The following GNAQ variants were observed in gnomAD, a reference collection of about 807,000 sequenced individuals.
GNAQ encodes G protein subunit alpha q.
In GNAQ, 8 loss-of-function variants were observed where a neutral mutation model predicts 43.9. The observed-to-expected ratio is 0.18, with a 90% CI of 0.11 to 0.33. GNAQ has a LOEUF of 0.33. Ranked by LOEUF, GNAQ falls within the 10% of genes least tolerant of loss-of-function variation. The pLI, the probability that GNAQ is intolerant of heterozygous loss-of-function variation, is 1.00. For missense variants in GNAQ, 158 were observed against 450.8 expected, an observed-to-expected ratio of 0.35 and a Z score of 5.88; for synonymous variants, 155 against 170.7, an observed-to-expected ratio of 0.91 and a Z score of 0.71.
At chr9:77,845,519 G>T (rs903356774) in intron 2 of GNAQ, among the ~76,000 whole-genome samples, 1 of 152,080 alleles carries the variant, frequency 6.6e-6, no homozygotes, top group African/African-American at 2.4e-5. Context: ...TTTCTTCTGA[G>T]CAGGGTTATA....
intron 5 of GNAQ, among the ~76,000 whole-genome samples, chr9:77,736,409 A>C (rs1251879798): frequency 6.6e-6 from 1 of 152,182 alleles, no homozygotes; most frequent in African/African-American, 2.4e-5. Context: ...AGAACGTCAA[A>C]CTCAGCTGAA....
intron 1 of GNAQ, among the ~76,000 whole-genome samples, chr9:77,966,548 T>C (rs1050400181): frequency 6.6e-6 from 1 of 152,174 alleles, no homozygotes; most frequent in African/African-American, 2.4e-5. Flanking sequence ...GACCTGGCTT[T>C]CTACAGCAAT....
chr9:77,962,148 A>T (rs1243446666), intron 1 of GNAQ, among the ~76,000 whole-genome samples: 1 of 152,180 alleles, frequency 6.6e-6, no homozygotes, highest in Non-Finnish European at 1.5e-5. Context: ...GGAAAAAAAG[A>T]CAGAAAAAAA....
chr9:77,857,607 G>A (rs561526145), intron 2 of GNAQ, among the ~76,000 whole-genome samples: 2 of 144,488 alleles, frequency 1.4e-5, no homozygotes, highest in Admixed American at 1.4e-4. Flanking sequence ...GGGAAGGAAA[G>A]GAGAGGAAGG....
chr9:77,905,210 T>A (rs1828685176), intron 2 of GNAQ, among the ~76,000 whole-genome samples: 1 of 152,236 alleles, frequency 6.6e-6, no homozygotes, highest in South Asian at 2.1e-4. Flanking sequence ...AAAAGATTCA[T>A]AACATTACCA....
At chr9:77,793,397 G>T (rs76251750) in intron 5 of GNAQ, among the ~76,000 whole-genome samples, 1 of 152,110 alleles carries the variant, frequency 6.6e-6, no homozygotes, top group African/African-American at 2.4e-5. Context: ...ATTGGTTCAC[G>T]GAAACTTTAT....
chr9:77,825,402 A>G (rs1479405221), intron 2 of GNAQ, among the ~76,000 whole-genome samples: 1 of 152,170 alleles, frequency 6.6e-6, no homozygotes, highest in Non-Finnish European at 1.5e-5. Flanking sequence ...TACTCACAGA[A>G]GTGTGGTGTC....
At chr9:78,017,066 C>A (rs944866803) in intron 1 of GNAQ, among the ~76,000 whole-genome samples, 1 of 152,166 alleles carries the variant, frequency 6.6e-6, no homozygotes, top group South Asian at 2.1e-4. Flanking sequence ...ACAATGTTCA[C>A]TGTAGCACTG....
At chr9:78,001,306 T>A (rs1229016597) in intron 1 of GNAQ, among the ~76,000 whole-genome samples, 2 of 151,990 alleles carry the variant, frequency 1.3e-5, no homozygotes, top group Non-Finnish European at 2.9e-5. Flanking sequence ...GAGGCTGAGG[T>A]GGGAGGATTG....
chr9:78,028,362 T>C (rs1289232982), intron 1 of GNAQ, among the ~76,000 whole-genome samples: 2 of 152,170 alleles, frequency 1.3e-5, no homozygotes, highest in Admixed American at 6.5e-5. Context: ...ACTGGCATAG[T>C]TGCCGAATAT....
intron 5 of GNAQ, among the ~76,000 whole-genome samples, chr9:77,751,702 T>C (rs201906201): frequency 1.3e-5 from 2 of 152,258 alleles, no homozygotes; most frequent in East Asian, 1.9e-4. Flanking sequence ...TTCTCCTTAG[T>C]AATAAGACCT....
At chr9:77,884,188 G>A (rs1006103084) in intron 2 of GNAQ, among the ~76,000 whole-genome samples, 6 of 152,150 alleles carry the variant, frequency 3.9e-5, no homozygotes, top group South Asian at 2.1e-4. Context: ...GGAACTGGGA[G>A]GGGAAAAAAG....
chr9:77,806,788 C>G (rs1191316871), intron 3 of GNAQ, among the ~76,000 whole-genome samples: 1 of 152,164 alleles, frequency 6.6e-6, no homozygotes, highest in African/African-American at 2.4e-5. Context: ...TAGGCTTAGG[C>G]TGAGCGTGAA....
At chr9:77,927,335 G>A (rs1013429729) in intron 1 of GNAQ, among the ~76,000 whole-genome samples, 2 of 152,086 alleles carry the variant, frequency 1.3e-5, no homozygotes, top group Non-Finnish European at 2.9e-5. Flanking sequence ...GAAAGCAATC[G>A]TGGACTCATT....
chr9:77,733,632 T>C (rs1825530187), intron 5 of GNAQ, among the ~76,000 whole-genome samples: 3 of 152,202 alleles, frequency 2.0e-5, no homozygotes, highest in Admixed American at 2.0e-4. Context: ...CAGGATGTCC[T>C]ATCCCTAGTT....
chr9:78,022,932 T>C (rs1208533317), intron 1 of GNAQ, among the ~76,000 whole-genome samples: 1 of 152,202 alleles, frequency 6.6e-6, no homozygotes, highest in East Asian at 1.9e-4. Flanking sequence ...ACTATCTGTA[T>C]GGAAATACAA....
chr9:77,872,265 A>G (rs886781793), intron 2 of GNAQ, among the ~76,000 whole-genome samples: 4 of 152,238 alleles, frequency 2.6e-5, no homozygotes, highest in Non-Finnish European at 5.9e-5. Context: ...TCAAATTACC[A>G]TTATGTGAAA....
chr9:77,812,021 T>G (rs1826936052), intron 3 of GNAQ, among the ~76,000 whole-genome samples: 1 of 151,944 alleles, frequency 6.6e-6, no homozygotes, highest in African/African-American at 2.4e-5. Context: ...TCCTGGAGAG[T>G]CGCTGTTTCA....
intron 1 of GNAQ, among the ~76,000 whole-genome samples, chr9:78,007,951 A>AT (rs560911416): frequency 6.6e-6 from 1 of 152,122 alleles, no homozygotes; most frequent in Non-Finnish European, 1.5e-5. Flanking sequence ...GAAGGCCAAA[A>AT]TTTTTTTTGG....
Sources: allele counts gnomAD v4.1 joint callset (sites outside exome capture counted in the v4.1 genomes callset), GRCh38; gene constraint gnomAD v4.1.1; transcripts MANE v1.5; gene names NCBI Gene and HGNC (gene_info 2026-07-23, HGNC 2026-07-21).